AFG2A: variants seen among roughly 807,000 people sequenced by gnomAD.
The protein encoded by AFG2A is ATPase family gene 2 protein homolog A.
At chr4:123,110,166 T>C in the AFG2A span, among the ~76,000 whole-genome samples, 770 of 152,272 alleles carry the variant, frequency 5.1e-3, 8 homozygotes, top group African/African-American at 0.017. Flanking sequence ...TCTGATGGCC[T>C]TGAGGAAGTA....
At chr4:123,292,025 TATA>T in the AFG2A span, among the ~76,000 whole-genome samples, 2 of 152,198 alleles carry the variant, frequency 1.3e-5, no homozygotes, top group Admixed American at 6.5e-5. Flanking sequence ...TTGGACGTTT[TATA>T]TAATCTCATA....
At chr4:123,064,401 A>G in the AFG2A span, among the ~76,000 whole-genome samples, 1 of 152,212 alleles carries the variant, frequency 6.6e-6, no homozygotes. Flanking sequence ...AACTACTTAC[A>G]TTGCTTTACA....
the AFG2A span, among the ~76,000 whole-genome samples, chr4:123,217,951 A>G: frequency 6.6e-6 from 1 of 152,176 alleles, no homozygotes; most frequent in Non-Finnish European, 1.5e-5. Flanking sequence ...ATCTGAGCTG[A>G]TATCAGACTC....
chr4:123,241,453 C>T, the AFG2A span, among the ~76,000 whole-genome samples: 1 of 152,190 alleles, frequency 6.6e-6, no homozygotes, highest in Non-Finnish European at 1.5e-5. Flanking sequence ...TCAGCTTCAT[C>T]CCTGGGATGC....
chr4:123,307,839 G>A, the AFG2A span, among the ~76,000 whole-genome samples: 1 of 152,194 alleles, frequency 6.6e-6, no homozygotes, highest in Admixed American at 6.5e-5. Context: ...CCTGCCTACA[G>A]TATTCAGTAA....
the AFG2A span, among the ~76,000 whole-genome samples, chr4:123,157,520 G>A: frequency 2.0e-5 from 3 of 152,090 alleles, no homozygotes; most frequent in Non-Finnish European, 4.4e-5. Flanking sequence ...CTTAGGATGA[G>A]GTTATTGTTT....
At chr4:123,041,278 T>TTTTTC in the AFG2A span, among the ~76,000 whole-genome samples, 1 of 8,276 alleles carries the variant, frequency 1.2e-4, no homozygotes, top group African/African-American at 1.7e-4. Flanking sequence ...GCCCAGCTAA[T>TTTTTC]TTTTTTTTTT....
the AFG2A span, among the ~76,000 whole-genome samples, chr4:123,224,374 C>A: frequency 6.6e-6 from 1 of 151,834 alleles, no homozygotes; most frequent in Non-Finnish European, 1.5e-5. Flanking sequence ...CCCCATCCCA[C>A]AACAGGCCCC....
chr4:122,947,389 AG>A, the AFG2A span: 6 of 1,614,008 alleles, frequency 3.7e-6, no homozygotes, highest in African/African-American at 1.3e-5. Flanking sequence ...ACTGCTTCGA[AG>A]GGTACCCCAT....
chr4:123,107,487 T>C, the AFG2A span, among the ~76,000 whole-genome samples: 7 of 152,176 alleles, frequency 4.6e-5, no homozygotes, highest in East Asian at 1.3e-3. Context: ...TGCTGATTGG[T>C]CCATGGGTGG....
At chr4:122,976,916 A>T in the AFG2A span, among the ~76,000 whole-genome samples, 1 of 152,064 alleles carries the variant, frequency 6.6e-6, no homozygotes, top group East Asian at 1.9e-4. Context: ...TGTTTTGTAA[A>T]TTCTATTTTA....
the AFG2A span, among the ~76,000 whole-genome samples, chr4:123,087,286 A>G: frequency 6.6e-6 from 1 of 152,092 alleles, no homozygotes; most frequent in Admixed American, 6.6e-5. Flanking sequence ...TGGACTGTGA[A>G]CTTCACAATT....
the AFG2A span, among the ~76,000 whole-genome samples, chr4:123,011,664 A>G: frequency 6.6e-6 from 1 of 152,216 alleles, no homozygotes; most frequent in Non-Finnish European, 1.5e-5. Flanking sequence ...TATTGGGGTC[A>G]AGCGGTGTTG....
At chr4:123,221,083 A>G in the AFG2A span, among the ~76,000 whole-genome samples, 2 of 152,142 alleles carry the variant, frequency 1.3e-5, no homozygotes, top group African/African-American at 4.8e-5. Context: ...ACATGTGGCT[A>G]TTGAGCACCT....
the AFG2A span, among the ~76,000 whole-genome samples, chr4:123,042,060 C>A: frequency 6.6e-6 from 1 of 152,154 alleles, no homozygotes; most frequent in Non-Finnish European, 1.5e-5. Flanking sequence ...CTTAACTTTT[C>A]TACCCTGATT....
chr4:123,252,246 A>C, the AFG2A span, among the ~76,000 whole-genome samples: 1 of 152,156 alleles, frequency 6.6e-6, no homozygotes, highest in African/African-American at 2.4e-5. Flanking sequence ...TTTATAAAGC[A>C]CTGGTATGAG....
At chr4:122,958,666 G>A in the AFG2A span, among the ~76,000 whole-genome samples, 1 of 152,154 alleles carries the variant, frequency 6.6e-6, no homozygotes, top group Admixed American at 6.5e-5. Flanking sequence ...GCTGGTGCCT[G>A]AGAATGCTAA....
At chr4:123,241,716 C>A in the AFG2A span, among the ~76,000 whole-genome samples, 2 of 152,062 alleles carry the variant, frequency 1.3e-5, no homozygotes, top group South Asian at 4.2e-4. Flanking sequence ...CTTTGAAAAC[C>A]GGCAGAAGAC....
At chr4:122,959,959 A>C in the AFG2A span, among the ~76,000 whole-genome samples, 1 of 152,288 alleles carries the variant, frequency 6.6e-6, no homozygotes, top group African/African-American at 2.4e-5. Flanking sequence ...GCAGATAACA[A>C]CGTTTGGTGT....
Sources: allele counts gnomAD v4.1 joint callset (sites outside exome capture counted in the v4.1 genomes callset), GRCh38; gene constraint gnomAD v4.1.1; transcripts MANE v1.5; gene names NCBI Gene and HGNC (gene_info 2026-07-23, HGNC 2026-07-21).